ARHGAP39: variants seen among roughly 807,000 people sequenced by gnomAD.
The protein encoded by ARHGAP39 is Rho GTPase activating protein 39.
ARHGAP39 carries 44 observed loss-of-function variants against 106.9 expected under a neutral mutation model. That is an observed-to-expected ratio of 0.41 (90% confidence interval 0.32 to 0.53). The LOEUF is 0.53. Ranked by LOEUF, ARHGAP39 falls within the 20% of genes least tolerant of loss-of-function variation. The pLI is 0.21. For missense variants in ARHGAP39, 1,496 were observed against 1,577.3 expected (o/e 0.95, Z 0.87); for synonymous variants, 768 against 693.2 (o/e 1.11, Z -1.69).
chr8:144,624,515 G>T (rs573224557), intron 1 of ARHGAP39, among the ~76,000 whole-genome samples: 1 of 152,364 alleles, frequency 6.6e-6, no homozygotes, highest in African/African-American at 2.4e-5. Context: ...CATCTGCACC[G>T]ACACGGCTGC....
intron 1 of ARHGAP39, chr8:144,605,915 G>A (rs984053101): frequency 2.4e-6 from 1 of 423,522 alleles, no homozygotes; most frequent in Non-Finnish European, 4.4e-6. Flanking sequence ...CAGGGAGGCT[G>A]TGCCCACCAG....
chr8:144,662,440 T>C (rs2129689653), intron 1 of ARHGAP39, among the ~76,000 whole-genome samples: 1 of 134,242 alleles, frequency 7.4e-6, no homozygotes, highest in East Asian at 2.4e-4. Context: ...CTTGGGCCGC[T>C]ACCCGCCTCC....
intron 1 of ARHGAP39, among the ~76,000 whole-genome samples, chr8:144,640,221 G>A (rs868594263): frequency 7.9e-5 from 12 of 152,104 alleles, no homozygotes; most frequent in East Asian, 3.8e-4. Flanking sequence ...AGTTGCACAC[G>A]GGGGACTGAC....
intron 2 of ARHGAP39, among the ~76,000 whole-genome samples, chr8:144,599,695 C>G (rs540072044): frequency 6.6e-6 from 1 of 152,128 alleles, no homozygotes; most frequent in East Asian, 1.9e-4. Flanking sequence ...AATGAACCAA[C>G]GGATGCCAGA....
chr8:144,620,091 G>A (rs1424199225), intron 1 of ARHGAP39, among the ~76,000 whole-genome samples: 1 of 143,694 alleles, frequency 7.0e-6, no homozygotes, highest in African/African-American at 2.6e-5. Context: ...AGTGTGCGTT[G>A]AGCCTGTGTG....
At chr8:144,566,350 G>A (rs547727762) in intron 3 of ARHGAP39, among the ~76,000 whole-genome samples, 1 of 152,204 alleles carries the variant, frequency 6.6e-6, no homozygotes, top group Admixed American at 6.5e-5. Context: ...GATCGCTTGA[G>A]TCCAAGAGTT....
chr8:144,677,228 C>T (rs938557802), intron 1 of ARHGAP39, among the ~76,000 whole-genome samples: 1 of 152,244 alleles, frequency 6.6e-6, no homozygotes, highest in Non-Finnish European at 1.5e-5. Flanking sequence ...GTTGTGAACA[C>T]TCATGGACAA....
chr8:144,698,944 C>T, the ARHGAP39 span: 2 of 449,468 alleles, frequency 4.4e-6, no homozygotes, highest in Non-Finnish European at 9.0e-6. Context: ...CACCATCCCA[C>T]GGCCTGCAAC....
chr8:144,570,434 A>C (rs1201501589), intron 3 of ARHGAP39, among the ~76,000 whole-genome samples: 2 of 152,210 alleles, frequency 1.3e-5, no homozygotes, highest in Non-Finnish European at 2.9e-5. Flanking sequence ...AAAGGAGGCA[A>C]ATTCTAACCA....
At chr8:144,649,439 G>C (rs532679644) in intron 1 of ARHGAP39, among the ~76,000 whole-genome samples, 10 of 151,866 alleles carry the variant, frequency 6.6e-5, no homozygotes, top group African/African-American at 2.4e-4. Flanking sequence ...GACAGAGCGA[G>C]ACTCCGTCTC....
At chr8:144,571,972 G>A (rs549934652) in intron 3 of ARHGAP39, among the ~76,000 whole-genome samples, 4 of 152,258 alleles carry the variant, frequency 2.6e-5, no homozygotes, top group East Asian at 1.9e-4. Context: ...ACTGCACAAC[G>A]AAATAAGAGG....
intron 1 of ARHGAP39, among the ~76,000 whole-genome samples, chr8:144,665,802 T>TG (rs2129704222): frequency 6.6e-6 from 1 of 152,320 alleles, no homozygotes; most frequent in South Asian, 2.1e-4. Flanking sequence ...GGAGCCCTCA[T>TG]GGAAAACCTC....
upstream of ARHGAP39, among the ~76,000 whole-genome samples, chr8:144,689,022 G>A (rs765039730): frequency 1.8e-4 from 28 of 152,174 alleles, no homozygotes; most frequent in Non-Finnish European, 2.4e-4. Flanking sequence ...AAACACGCAA[G>A]GGAATGGAGC....
At chr8:144,573,446 C>A (rs925519030) in intron 3 of ARHGAP39, among the ~76,000 whole-genome samples, 18 of 112,268 alleles carry the variant, frequency 1.6e-4, no homozygotes, top group African/African-American at 6.3e-4. Flanking sequence ...TCACACACCA[C>A]GGCCTGTTGG....
intron 1 of ARHGAP39, among the ~76,000 whole-genome samples, chr8:144,624,081 C>T (rs1189317309): frequency 6.6e-6 from 1 of 152,184 alleles, no homozygotes; most frequent in East Asian, 1.9e-4. Context: ...AGAGCCCAGA[C>T]CTCACCAGCA....
intron 3 of ARHGAP39, among the ~76,000 whole-genome samples, chr8:144,557,858 C>G (rs1818003558): frequency 6.6e-6 from 1 of 152,182 alleles, no homozygotes; most frequent in South Asian, 2.1e-4. Context: ...TTGTTTAATA[C>G]AGTTTTTGGA....
At chr8:144,617,604 C>T (rs1268910225) in intron 1 of ARHGAP39, among the ~76,000 whole-genome samples, 1 of 149,434 alleles carries the variant, frequency 6.7e-6, no homozygotes, top group Non-Finnish European at 1.5e-5. Flanking sequence ...AAAAAAAAGG[C>T]AGGAGCAGCT....
At chr8:144,698,334 T>C in the ARHGAP39 span, among the ~76,000 whole-genome samples, 1 of 152,234 alleles carries the variant, frequency 6.6e-6, no homozygotes, top group Non-Finnish European at 1.5e-5. Flanking sequence ...CCATGCTTCC[T>C]GCACAGCCTG....
At chr8:144,694,163 T>G in the ARHGAP39 span, among the ~76,000 whole-genome samples, 45 of 152,066 alleles carry the variant, frequency 3.0e-4, no homozygotes, top group Non-Finnish European at 2.6e-4. Context: ...GGGACTTGTG[T>G]TTTAAAGGAA....
Sources: gnomAD v4.1 joint callset for allele counts (sites outside exome capture counted in the v4.1 genomes callset) on GRCh38, gnomAD v4.1.1 for gene constraint, MANE v1.5 for transcripts, NCBI Gene and HGNC (gene_info 2026-07-23, HGNC 2026-07-21) for gene names.